MYH6: variants seen among roughly 807,000 people sequenced by gnomAD.
MYH6 encodes myosin heavy chain 6.
MYH6 carries 126 observed loss-of-function variants against 223.2 expected under a neutral mutation model. The observed-to-expected ratio is 0.56, with a 90% CI of 0.49 to 0.65. The LOEUF (loss-of-function observed/expected upper bound fraction) is 0.65. MYH6 is among the 30% of genes least tolerant of loss of function. The pLI, the probability that MYH6 is intolerant of heterozygous loss-of-function variation, is 0.00. For synonymous variants in MYH6, 978 were observed against 1,010.2 expected (o/e 0.97, Z 0.61); for missense variants, 2,040 against 2,536.4 (o/e 0.80, Z 4.20).
intron 36 of MYH6, among the ~76,000 whole-genome samples, chr14:23,383,618 G>C (rs1488669255): frequency 6.6e-6 from 1 of 152,182 alleles, no homozygotes; most frequent in Non-Finnish European, 1.5e-5. Flanking sequence ...CACCAGGTCT[G>C]TTCCAGCTCC....
Position 23,407,467 on chromosome 14 carries a change from GC to G in MYH6, c.-14+108del, listed in dbSNP as rs1891826111. On this transcript the variant is annotated intron_variant, in intron 2 of 38. Transcript: ENST00000405093. The surrounding 1 kb of genome is among the most constrained non-coding windows in gnomAD (Gnocchi z 5.6). ...CCTGGGGTGGCATTGGCTGGAGTAT[GC>G]TAAGGGTTGGCGCTGAGTGCTTGGG... The G allele has an allele frequency of 8.8e-6, 11 of 1,254,596 alleles. No homozygotes were observed. In the South Asian group the frequency reaches 1.6e-4, roughly 18 times the overall value. 77.7% of individuals were successfully genotyped at this position (1,254,596 alleles called of 1,614,324 possible).
At chr14:23,399,947 C>G in intron 14 of MYH6, 1 of 430,868 alleles carries the variant, frequency 2.3e-6, no homozygotes, top group Non-Finnish European at 4.3e-6. Context: ...CTAATTTCAG[C>G]CTAGGATCTT....
chr14:23,392,482 G>C (rs1891261759), intron 25 of MYH6, 80 bp downstream of exon 25: 2 of 1,087,762 alleles, frequency 1.8e-6, no homozygotes, highest in African/African-American at 3.1e-5. Context: ...ATATTGTGTA[G>C]AACCCTAAGC....
chr14:23,400,569 C>T, intron 13 of MYH6, 140 bp downstream of exon 13: 1 of 1,581,690 alleles, frequency 6.3e-7, no homozygotes, highest in East Asian at 2.3e-5. Context: ...CCCCTGAAGA[C>T]AGGGACAATG....
In MYH6 at chr14:23,389,457, CG is replaced by C. The variant is rs777618224; in HGVS notation, c.3913del (p.Arg1305GlyfsTer123). On this transcript the variant is annotated frameshift_variant, in exon 28 of 39. Coordinates refer to ENST00000405093, the MANE Select transcript of MYH6 (RefSeq NM_002471.4). LOFTEE classifies it high-confidence loss of function. ...TTGCTGGGTATAAGAGAGCTTCCCCCGGGTCAGCTGCGAGATTAGCGCCTCC... is the reference window on the plus strand; with the variant it reads ...TTGCTGGGTATAAGAGAGCTTCCCCCGGTCAGCTGCGAGATTAGCGCCTCC... ...EKEALISQLT[R>X]GKLSYTQQME... 6.2e-7 allele frequency: 1 copy of C among 1,614,052 alleles called. No homozygotes were observed. Among genetic ancestry groups the C allele is most frequent in the Non-Finnish European group, 8.5e-7 (1 of 1,180,046 alleles).
chr14:23,396,790 G>T lies in MYH6; in HGVS notation c.2196C>A (p.Ile732=). ...TGCTATCAATGAACTGTCCCTCAGGGATGGCCACTGGGTTCAGGATGCGAT... is the reference window on the plus strand; with the variant it reads ...TGCTATCAATGAACTGTCCCTCAGGTATGGCCACTGGGTTCAGGATGCGAT... The part of the protein sequence containing the change: ...QRYRILNPVA[I]PEGQFIDSRK... The change falls in exon 19 of 39, where the codon ATC becomes ATA. Residue 732 remains isoleucine (I), a synonymous_variant. Transcript: ENST00000405093. The T allele has an allele frequency of 6.2e-7, 1 of 1,613,996 alleles. No homozygotes were observed. The highest frequency in any genetic ancestry group is 1.1e-5 in the South Asian group (1 of 91,078).
rs756641650 is a variant in MYH6 at position 23,384,906 on chromosome 14, G to T, written c.5289+10C>A. 2 of 1,613,830 alleles carry T rather than the reference G, an allele frequency of 1.2e-6. No individual in the cohort carries two copies. The highest frequency in any genetic ancestry group is 1.7e-6 in the Non-Finnish European group (2 of 1,180,044). On this transcript the variant is annotated intron_variant, in intron 35 of 38. Transcript: ENST00000405093. Reference sequence around the variant, plus strand: ...TCTTTAGGGGAGGCGGAAGGTGGGCGGTCACTTACATCCGTGATGGCCTTC... The same window carrying T: ...TCTTTAGGGGAGGCGGAAGGTGGGCTGTCACTTACATCCGTGATGGCCTTC...
chr14:23,406,935 C>T, intron 3 of MYH6, 88 bp downstream of exon 3: 1 of 1,436,418 alleles, frequency 7.0e-7, no homozygotes, highest in Non-Finnish European at 9.8e-7. Context: ...TTCTCCAGCC[C>T]TCTCAGCTCC....
Position 23,387,657 on chromosome 14 carries a change from G to A in MYH6, c.4526-4C>T, listed in dbSNP as rs751782442. 4 of 1,613,928 alleles carry A rather than the reference G, an allele frequency of 2.5e-6. No homozygotes were observed. Among genetic ancestry groups the A allele is most frequent in the Non-Finnish European group, 8.5e-7 (1 of 1,180,006 alleles). On this transcript the variant is annotated splice_polypyrimidine_tract_variant and splice_region_variant and intron_variant, in intron 31 of 38. Transcript: ENST00000405093. ...TCAGTAAGGTCCGAGATTTCCTCTG[G>A]GGACCAGAGGGCCAGAAAGCTCAAA...
At position 23,399,025 on chromosome 14, in the gene MYH6, T is replaced by C; in HGVS notation, c.1594A>G (p.Met532Val). 2 of 1,614,024 alleles carry C rather than the reference T, an allele frequency of 1.2e-6. No homozygotes were observed. The highest frequency in any genetic ancestry group is 1.1e-5 in the South Asian group (1 of 91,064). ...ATGCACTCCTCCTCCAGGATGGACATGATGCCCATGGGCTGAGGGCAGGGT... is the reference window on the plus strand; with the variant it reads ...ATGCACTCCTCCTCCAGGATGGACACGATGCCCATGGGCTGAGGGCAGGGT... ...IDLIEKPMGI[M>V]SILEEECMFP... The change falls in exon 15 of 39, where the codon ATG becomes GTG. Residue 532 changes from methionine (M) to valine (V), a missense_variant. Transcript: ENST00000405093.
At chr14:23,385,070 A>G in intron 34 of MYH6, 29 bp from the exon 35 acceptor site, 1 of 1,613,662 alleles carries the variant, frequency 6.2e-7, no homozygotes, top group Non-Finnish European at 8.5e-7. Context: ...AAATGATCAA[A>G]TATATACTAC....
chr14:23,383,739 T>C (rs1890931989), intron 36 of MYH6, among the ~76,000 whole-genome samples: 2 of 152,198 alleles, frequency 1.3e-5, no homozygotes, highest in Admixed American at 6.5e-5. Context: ...TCCAGATTAT[T>C]CTACATTCTA....
At position 23,405,173 on chromosome 14, in the gene MYH6, T is replaced by A; in HGVS notation, c.503-46A>T. 1.2e-6 allele frequency: 2 copies of A among 1,613,968 alleles called. No homozygotes were observed. Among genetic ancestry groups the A allele is most frequent in the Non-Finnish European group, 1.7e-6 (2 of 1,180,032 alleles). The stretch of plus-strand genomic sequence containing the variant: ...AGCAATGGGGTCAGGGCTGAGGATC[T>A]GGGTGGGTGTCTGGGAGGAGGAGCA... On this transcript the variant is annotated intron_variant, in intron 5 of 38. Coordinates refer to ENST00000405093, the MANE Select transcript of MYH6 (RefSeq NM_002471.4). This position sits in a 1 kb window ranked among gnomAD's most constrained non-coding sequence, Gnocchi z 4.7.
rs1322313576 is a variant in MYH6 at position 23,384,955 on chromosome 14, G to A, written c.5250C>T (p.Cys1750=). 3.7e-6 allele frequency: 6 copies of A among 1,614,098 alleles called. No individual in the cohort carries two copies. Among genetic ancestry groups the A allele is most frequent in the Middle Eastern group, 3.3e-4 (2 of 6,080 alleles). Reference sequence around the variant, plus strand: ...TCTTGGCCTTCTCCTCGGCGTTTCTGCACTCCTGCACTGCCTCCTCCACTT... The same window carrying A: ...TCTTGGCCTTCTCCTCGGCGTTTCTACACTCCTGCACTGCCTCCTCCACTT... ...QSEVEEAVQE[C]RNAEEKAKKA... The change falls in exon 35 of 39, where the codon TGC becomes TGT. Residue 1750 remains cysteine, a synonymous_variant. Coordinates refer to ENST00000405093, the MANE Select transcript of MYH6 (RefSeq NM_002471.4).
At chr14:23,402,863 TAGAG>T in intron 10 of MYH6, 63 bp from the exon 11 acceptor site, 1 of 1,055,384 alleles carries the variant, frequency 9.5e-7, no homozygotes, top group Non-Finnish European at 1.4e-6. Flanking sequence ...AAGGGGCAGG[TAGAG>T]TTGGGAAAGG....
chr14:23,385,418 G>A (rs1890991761), intron 34 of MYH6, among the ~76,000 whole-genome samples: 1 of 150,354 alleles, frequency 6.7e-6, no homozygotes, highest in African/African-American at 2.5e-5. Context: ...GGGTAAGGAA[G>A]AGGGGATGAG....
Position 23,400,236 on chromosome 14 carries a change from T to C in MYH6, c.1581+20A>G, listed in dbSNP as rs1300530793. On this transcript the variant is annotated intron_variant, in intron 14 of 38. Transcript: ENST00000405093. ...TGGATGGCAGAGGAGGGGGCATAGG[T>C]GGTGAGGCCAAGGAGGCACCTTCTC... 4 of 1,613,924 alleles carry C rather than the reference T, an allele frequency of 2.5e-6. No individual in the cohort carries two copies. Among genetic ancestry groups the C allele is most frequent in the Non-Finnish European group, 3.4e-6 (4 of 1,179,994 alleles).
rs1891479339 is a variant in MYH6 at position 23,398,004 on chromosome 14, T to TTCC, written c.1892-392_1892-391insGGA. Among the ~76,000 whole-genome samples the TTCC allele has an allele frequency of 2.9e-5, 4 of 139,948 alleles. No individual in the cohort carries two copies. In the East Asian group the frequency reaches 6.2e-4, roughly 22 times the overall value. 91.8% of individuals were successfully genotyped at this position (139,948 alleles called of 152,430 possible). On this transcript the variant is annotated intron_variant, in intron 15 of 38. Coordinates refer to ENST00000405093, the MANE Select transcript of MYH6 (RefSeq NM_002471.4). ...CTTCTTCTTCTTCTTCTTCTTCTTCTTCTTCTTCTTCTTCTTCTTCCTTCT... is the reference window on the plus strand; with the variant it reads ...CTTCTTCTTCTTCTTCTTCTTCTTCTTCCTCTTCTTCTTCTTCTTCTTCCTTCT...
At chr14:23,393,084 G>A in intron 23 of MYH6, 27 bp from the exon 24 acceptor site, 2 of 1,614,058 alleles carry the variant, frequency 1.2e-6, no homozygotes, top group South Asian at 2.2e-5. Context: ...AATAAGCAAA[G>A]TGTGGAAAAC....
Sources: allele counts gnomAD v4.1 joint callset (sites outside exome capture counted in the v4.1 genomes callset), GRCh38; gene constraint gnomAD v4.1.1; non-coding constraint Gnocchi (gnomAD v3.1); transcripts MANE v1.5; gene names NCBI Gene and HGNC (gene_info 2026-07-23, HGNC 2026-07-21).